GRIN2B: variants seen among roughly 807,000 people sequenced by gnomAD.
GRIN2B encodes glutamate receptor ionotropic, NMDA 2B.
Under a neutral mutation model 114.5 loss-of-function variants are expected in GRIN2B, and 5 were observed. The observed-to-expected ratio is 0.04, with a 90% CI of 0.02 to 0.09. GRIN2B has a LOEUF of 0.09. Among genes scored for constraint, GRIN2B ranks in the 10% least tolerant of loss-of-function variants. The pLI, the probability that GRIN2B is intolerant of heterozygous loss-of-function variation, is 1.00. For synonymous variants in GRIN2B, 787 were observed against 745.1 expected, an observed-to-expected ratio of 1.06 and a Z score of -0.92; for missense variants, 1,108 against 1,943.5, an observed-to-expected ratio of 0.57 and a Z score of 8.08.
At chr12:13,911,021 C>T (rs558731229) in intron 2 of GRIN2B, among the ~76,000 whole-genome samples, 3 of 152,070 alleles carry the variant, frequency 2.0e-5, no homozygotes, top group South Asian at 2.1e-4. Context: ...ATTTTCCAAC[C>T]CTTTCTGCAT....
At chr12:13,845,696 A>G (rs1043865505) in intron 3 of GRIN2B, among the ~76,000 whole-genome samples, 1 of 152,164 alleles carries the variant, frequency 6.6e-6, no homozygotes, top group Non-Finnish European at 1.5e-5. Flanking sequence ...CTTTGATACC[A>G]TGTAGTAAGA....
intron 10 of GRIN2B, among the ~76,000 whole-genome samples, chr12:13,580,137 C>G (rs1024449439): frequency 6.6e-6 from 1 of 152,198 alleles, no homozygotes; most frequent in Non-Finnish European, 1.5e-5. Context: ...TTCTGACCAC[C>G]AGTCAAGGCC....
chr12:13,823,817 G>A (rs1333463040), intron 3 of GRIN2B, among the ~76,000 whole-genome samples: 1 of 152,088 alleles, frequency 6.6e-6, no homozygotes, highest in Admixed American at 6.6e-5. Context: ...TCAGGTTGAG[G>A]AGGATGTTCT....
intron 3 of GRIN2B, among the ~76,000 whole-genome samples, chr12:13,771,908 G>T (rs1275822058): frequency 2.0e-5 from 3 of 152,232 alleles, no homozygotes; most frequent in Non-Finnish European, 2.9e-5. Flanking sequence ...AACAGCATGG[G>T]CTCCTGAGTT....
chr12:13,629,559 A>T (rs1949600200), intron 5 of GRIN2B, among the ~76,000 whole-genome samples: 1 of 152,044 alleles, frequency 6.6e-6, no homozygotes, highest in Non-Finnish European at 1.5e-5. Flanking sequence ...ATAGAATAAT[A>T]TCTAACTTTG....
intron 3 of GRIN2B, among the ~76,000 whole-genome samples, chr12:13,791,234 C>T (rs1423151264): frequency 6.6e-6 from 1 of 151,936 alleles, no homozygotes; most frequent in Non-Finnish European, 1.5e-5. Context: ...GAGGCAAAGG[C>T]GGGCGGATCA....
At chr12:13,811,692 T>C (rs1356212927) in intron 3 of GRIN2B, among the ~76,000 whole-genome samples, 2 of 152,242 alleles carry the variant, frequency 1.3e-5, no homozygotes, top group Non-Finnish European at 1.5e-5. Context: ...GCAACAGGCA[T>C]TTCCTGCATT....
intron 2 of GRIN2B, among the ~76,000 whole-genome samples, chr12:13,932,003 C>A (rs185385832): frequency 6.6e-6 from 1 of 152,238 alleles, no homozygotes; most frequent in African/African-American, 2.4e-5. Flanking sequence ...ATCCTCCAAT[C>A]ATCCTCTTTC....
chr12:13,568,992 G>A (rs1177188071), intron 12 of GRIN2B, among the ~76,000 whole-genome samples: 53 of 152,120 alleles, frequency 3.5e-4, no homozygotes, highest in Non-Finnish European at 1.6e-4. Context: ...AGAGATGGCC[G>A]CAAGTTTATT....
chr12:13,943,052 C>T (rs1182606610), intron 2 of GRIN2B, among the ~76,000 whole-genome samples: 1 of 152,034 alleles, frequency 6.6e-6, no homozygotes, highest in Non-Finnish European at 1.5e-5. Flanking sequence ...CAAGGGATGC[C>T]ACAGGGAATT....
At chr12:13,826,302 C>T (rs1363888337) in intron 3 of GRIN2B, among the ~76,000 whole-genome samples, 1 of 152,060 alleles carries the variant, frequency 6.6e-6, no homozygotes, top group Non-Finnish European at 1.5e-5. Flanking sequence ...GAAACCCCGT[C>T]TCTAATAAAA....
intron 4 of GRIN2B, among the ~76,000 whole-genome samples, chr12:13,698,002 T>C (rs1591682750): frequency 1.3e-5 from 2 of 152,220 alleles, no homozygotes; most frequent in South Asian, 4.1e-4. Context: ...TTGGGTAGCA[T>C]TTCTTAAATG....
chr12:13,976,014 T>C (rs1863011978), intron 2 of GRIN2B, among the ~76,000 whole-genome samples: 2 of 152,244 alleles, frequency 1.3e-5, no homozygotes, highest in East Asian at 3.8e-4. Flanking sequence ...AAACACACCT[T>C]GCTGGGTTCA....
chr12:13,724,601 T>C (rs890421450), intron 4 of GRIN2B, among the ~76,000 whole-genome samples: 5 of 152,074 alleles, frequency 3.3e-5, no homozygotes, highest in African/African-American at 1.2e-4. Context: ...AGTATTAATT[T>C]TATGTGAGAC....
At position 13,650,582 on chromosome 12, in the gene GRIN2B, T is replaced by C. The variant is rs1448397520; in HGVS notation, c.1125+25163A>G. Among the ~76,000 whole-genome samples, 4 of 152,070 alleles carry C rather than the reference T, an allele frequency of 2.6e-5. No homozygotes were observed. The East Asian group carries it at 7.7e-4, about 29-fold the overall frequency. Reference sequence around the variant, plus strand: ...TGCTGGAGTTCTGAACAAGAAATTATATCCCATGAACATCAATTGGCAAAT... The same window carrying C: ...TGCTGGAGTTCTGAACAAGAAATTACATCCCATGAACATCAATTGGCAAAT... On this transcript the variant is annotated intron_variant, in intron 5 of 13. Coordinates refer to ENST00000609686, the MANE Select transcript of GRIN2B (RefSeq NM_000834.5).
At chr12:13,732,580 A>G (rs1369132138) in intron 4 of GRIN2B, among the ~76,000 whole-genome samples, 1 of 152,222 alleles carries the variant, frequency 6.6e-6, no homozygotes, top group African/African-American at 2.4e-5. Flanking sequence ...GTACTATACC[A>G]ATGTGAGACA....
intron 3 of GRIN2B, among the ~76,000 whole-genome samples, chr12:13,835,558 C>T (rs948899544): frequency 1.3e-5 from 2 of 151,998 alleles, no homozygotes; most frequent in Non-Finnish European, 2.9e-5. Flanking sequence ...AAAGGGCTCT[C>T]AGAAGGCCAC....
intron 3 of GRIN2B, among the ~76,000 whole-genome samples, chr12:13,797,743 T>C (rs1156731440): frequency 1.3e-5 from 2 of 152,224 alleles, no homozygotes; most frequent in African/African-American, 4.8e-5. Context: ...CTTAAAACTC[T>C]ATAAACAGAC....
intron 10 of GRIN2B, among the ~76,000 whole-genome samples, chr12:13,596,479 A>C (rs1339366528): frequency 1.3e-5 from 2 of 151,988 alleles, no homozygotes; most frequent in Non-Finnish European, 2.9e-5. Flanking sequence ...CCCTTCTGAG[A>C]TGAGGATGGA....
Sources: gnomAD v4.1 joint callset for allele counts (sites outside exome capture counted in the v4.1 genomes callset) on GRCh38, gnomAD v4.1.1 for gene constraint, MANE v1.5 for transcripts, NCBI Gene and HGNC (gene_info 2026-07-23, HGNC 2026-07-21) for gene names.